RGS12: variants seen among roughly 807,000 people sequenced by gnomAD.
RGS12 encodes the protein regulator of G protein signaling 12.
RGS12 carries 66 observed loss-of-function variants against 120.1 expected under a neutral mutation model. The ratio of observed to expected loss-of-function variants is 0.55; its 90% confidence interval spans 0.45 to 0.67. RGS12 has a LOEUF of 0.67. Among genes scored for constraint, RGS12 ranks in the 30% least tolerant of loss-of-function variants. The pLI is 0.00. For synonymous variants in RGS12, 827 were observed against 804.7 expected, an observed-to-expected ratio of 1.03 and a Z score of -0.47; for missense variants, 1,859 against 1,957.7, an observed-to-expected ratio of 0.95 and a Z score of 0.95.
rs79884383 is a variant in RGS12, at chr4:3,316,612, A to T, written c.442A>T (p.Asn148Tyr). ...VEEMQSGGIF[N>Y]MIFENPSLCA... ...GGAAATGCAGTCTGGTGGAATTTTC[A>T]ATATGATTTTTGAAAACCCGAGCCT... Residue 148 changes from asparagine (N) to tyrosine (Y), a missense_variant, in exon 2 of 18, where the codon AAT (asparagine) becomes TAT (tyrosine). Coordinates refer to ENST00000336727, the MANE Select transcript of RGS12 (RefSeq NM_001394154.1). 3.7e-6 allele frequency: 6 copies of T among 1,614,076 alleles called. No individual in the cohort carries two copies. In the East Asian group the frequency reaches 1.3e-4, roughly 36 times the overall value.
intron 2 of RGS12, among the ~76,000 whole-genome samples, chr4:3,335,462 C>A (rs941645074): frequency 9.2e-5 from 14 of 152,184 alleles, no homozygotes; most frequent in Admixed American, 6.5e-5. Flanking sequence ...CTCTATGACA[C>A]CGACAGGGTC....
intron 17 of RGS12, among the ~76,000 whole-genome samples, 180 bp from the exon 18 acceptor site, chr4:3,439,275 G>A (rs1052232603): frequency 1.3e-5 from 2 of 152,264 alleles, no homozygotes; most frequent in Admixed American, 1.3e-4. Context: ...CACCTCCCCT[G>A]GGCGTACCTG....
In RGS12 at chr4:3,389,983, C is replaced by G. The variant is rs751503032; in HGVS notation, c.2020+3546C>G. ...CTGTCCACTCAGCTGCCCCCCTACT[C>G]GTCCTCCATGCAGACCTCAGTCTTG... On this transcript the variant is annotated intron_variant, in intron 4 of 17. Coordinates refer to ENST00000336727, the MANE Select transcript of RGS12 (RefSeq NM_001394154.1). This position sits in a 1 kb window ranked among gnomAD's most constrained non-coding sequence, Gnocchi z 5.2. 6.6e-6 allele frequency among the ~76,000 whole-genome samples: 1 copy of G among 152,190 alleles called. No individual in the cohort carries two copies. The highest frequency in any genetic ancestry group is 2.1e-4 in the South Asian group (1 of 4,834).
At chr4:3,411,936 G>A (rs1356727293) in intron 4 of RGS12, among the ~76,000 whole-genome samples, 1 of 152,244 alleles carries the variant, frequency 6.6e-6, no homozygotes, top group African/African-American at 2.4e-5. Flanking sequence ...CGGAGTCAGG[G>A]CTTCCGTGTG....
chr4:3,408,396 C>T (rs931655252), intron 4 of RGS12, among the ~76,000 whole-genome samples: 7 of 152,276 alleles, frequency 4.6e-5, no homozygotes, highest in South Asian at 2.1e-4. Flanking sequence ...TGTTGAGCCA[C>T]GTAGCAAAGA....
At chr4:3,304,557 G>T (rs1723868628) in intron 1 of RGS12, among the ~76,000 whole-genome samples, 1 of 152,202 alleles carries the variant, frequency 6.6e-6, no homozygotes, top group Admixed American at 6.5e-5. Flanking sequence ...TCCAGTCGTG[G>T]TGCTGGAGCC....
chr4:3,402,357 G>A (rs1720681514), intron 4 of RGS12, among the ~76,000 whole-genome samples: 1 of 152,030 alleles, frequency 6.6e-6, no homozygotes, highest in Non-Finnish European at 1.5e-5. Context: ...TGGCTTATGG[G>A]GTGGCCTCTA....
chr4:3,408,897 C>T (rs1721432487), intron 4 of RGS12, among the ~76,000 whole-genome samples: 1 of 152,200 alleles, frequency 6.6e-6, no homozygotes, highest in South Asian at 2.1e-4. Context: ...CAGAAAGCTA[C>T]AAAATGAGAT....
intron 1 of RGS12, among the ~76,000 whole-genome samples, chr4:3,299,542 G>A (rs1460703369): frequency 6.6e-6 from 1 of 152,138 alleles, no homozygotes; most frequent in Non-Finnish European, 1.5e-5. Context: ...TAGCAGCGTG[G>A]GAGGATGTGG....
the RGS12 span, among the ~76,000 whole-genome samples, chr4:3,286,050 C>T: frequency 6.6e-6 from 1 of 152,238 alleles, no homozygotes; most frequent in African/African-American, 2.4e-5. Context: ...GCCCAGGGAA[C>T]GTGGAGAGGA....
At chr4:3,399,457 C>CA (rs772237423) in intron 4 of RGS12, among the ~76,000 whole-genome samples, 1 of 151,510 alleles carries the variant, frequency 6.6e-6, no homozygotes, top group Admixed American at 6.6e-5. Context: ...ACCATCTCTA[C>CA]AAAAAAAGAA....
chr4:3,333,198 T>C (rs1178490920), intron 2 of RGS12, among the ~76,000 whole-genome samples: 3 of 152,152 alleles, frequency 2.0e-5, no homozygotes, highest in South Asian at 2.1e-4. Context: ...TACAGGCGCC[T>C]GCCACCTTGC....
intron 2 of RGS12, among the ~76,000 whole-genome samples, chr4:3,323,741 T>C (rs1251370447): frequency 2.0e-5 from 3 of 152,202 alleles, no homozygotes; most frequent in African/African-American, 7.2e-5. Context: ...TGAGTTTTCT[T>C]TTGGGTAGGT....
At chr4:3,398,844 T>TCTAAAGTACGTGGAACATTTA (rs1720304651) in intron 4 of RGS12, among the ~76,000 whole-genome samples, 1 of 152,220 alleles carries the variant, frequency 6.6e-6, no homozygotes, top group African/African-American at 2.4e-5. Flanking sequence ...ACACTTTTTT[T>TCTAAAGTACGTGGAACATTTA]CTAAAGTACG....
intron 17 of RGS12, among the ~76,000 whole-genome samples, chr4:3,436,859 G>A (rs966828142): frequency 1.3e-5 from 2 of 152,194 alleles, no homozygotes; most frequent in Non-Finnish European, 2.9e-5. Flanking sequence ...AGTCGGAGCC[G>A]GCAGGACCAG....
At chr4:3,348,299 C>T (rs965877266) in intron 3 of RGS12, among the ~76,000 whole-genome samples, 3 of 152,148 alleles carry the variant, frequency 2.0e-5, no homozygotes, top group African/African-American at 7.2e-5. Flanking sequence ...CCACTCAAAG[C>T]TCAGTTTTCC....
intron 1 of RGS12, among the ~76,000 whole-genome samples, chr4:3,303,323 G>A (rs1723787598): frequency 6.6e-6 from 1 of 152,216 alleles, no homozygotes; most frequent in African/African-American, 2.4e-5. Flanking sequence ...TCGGTACGGC[G>A]ACCTAGGCAG....
intron 4 of RGS12, among the ~76,000 whole-genome samples, chr4:3,400,875 A>G (rs1720515687): frequency 6.6e-6 from 1 of 150,880 alleles, no homozygotes; most frequent in South Asian, 2.1e-4. Flanking sequence ...TATATATTAG[A>G]AAAATTCCTA....
intron 1 of RGS12, among the ~76,000 whole-genome samples, chr4:3,307,797 G>C (rs1010754854): frequency 2.0e-5 from 3 of 152,220 alleles, no homozygotes; most frequent in Non-Finnish European, 4.4e-5. Context: ...AAGTGCCCTG[G>C]TGTTTGGGCG....
Sources: gnomAD v4.1 joint callset for allele counts (sites outside exome capture counted in the v4.1 genomes callset) on GRCh38, gnomAD v4.1.1 for gene constraint, Gnocchi (gnomAD v3.1) non-coding constraint, MANE v1.5 for transcripts, NCBI Gene and HGNC (gene_info 2026-07-23, HGNC 2026-07-21) for gene names.